The following PTK2 variants were observed in gnomAD, a reference collection of about 807,000 sequenced individuals.
PTK2 encodes the protein focal adhesion kinase 1.
Under a neutral mutation model 150.1 loss-of-function variants are expected in PTK2, and 45 were observed. The observed-to-expected ratio is 0.30, with a 90% CI of 0.24 to 0.38. The LOEUF is 0.38. Ranked by LOEUF, PTK2 falls within the 10% of genes least tolerant of loss-of-function variation. PTK2 has a pLI of 1.00. For missense variants in PTK2, 919 were observed against 1,307.3 expected, an observed-to-expected ratio of 0.70 and a Z score of 4.58; for synonymous variants, 432 against 449.2, an observed-to-expected ratio of 0.96 and a Z score of 0.48.
At chr8:140,925,074 T>C (rs895327864) in intron 2 of PTK2, among the ~76,000 whole-genome samples, 5 of 152,200 alleles carry the variant, frequency 3.3e-5, no homozygotes, top group Middle Eastern at 6.8e-3. Flanking sequence ...CCAAAAGCAG[T>C]TCACAAAATA....
At chr8:140,903,115 C>CTTATGGT (rs1267937035) in intron 2 of PTK2, among the ~76,000 whole-genome samples, 2 of 151,552 alleles carry the variant, frequency 1.3e-5, no homozygotes, top group African/African-American at 4.8e-5. Context: ...GGTTTTAGGT[C>CTTATGGT]TTACGTTTAA....
intron 23 of PTK2, 58 bp downstream of exon 26, chr8:140,717,540 T>C: frequency 1.5e-6 from 2 of 1,348,716 alleles, no homozygotes; most frequent in Non-Finnish European, 2.1e-6. Flanking sequence ...GCTGCCTAAC[T>C]GTAAATCTTG....
intron 8 of PTK2, among the ~76,000 whole-genome samples, chr8:140,829,215 T>A (rs575689456): frequency 1.8e-4 from 28 of 152,358 alleles, no homozygotes; most frequent in African/African-American, 6.5e-4. Context: ...TGCATTGTGT[T>A]TTAAAGCCAA....
chr8:140,999,966 C>G (rs1178272607), intron 1 of PTK2, among the ~76,000 whole-genome samples: 1 of 151,624 alleles, frequency 6.6e-6, no homozygotes, highest in African/African-American at 2.4e-5. Context: ...TGCCAAAAAC[C>G]CAGCTGCAGG....
At chr8:140,911,088 GC>G (rs2100162971) in intron 2 of PTK2, among the ~76,000 whole-genome samples, 1 of 145,820 alleles carries the variant, frequency 6.9e-6, no homozygotes, top group Non-Finnish European at 1.5e-5. Context: ...CCGGAGTCTT[GC>G]CATATTGCTC....
Position 140,798,675 on chromosome 8 carries a change from C to T in PTK2, c.1093+1784G>A, listed in dbSNP as rs944237863. Among the ~76,000 whole-genome samples the T allele has an allele frequency of 2.6e-5, 4 of 152,016 alleles. No homozygotes were observed. In the South Asian group the frequency reaches 6.2e-4, roughly 24 times the overall value. ...TATTTTTAAATGTGTATGTCAAGGA[C>T]CTTTTGGTAAACTGAAGATAAAAGA... is the stretch of plus-strand genomic sequence containing the variant. On this transcript the variant is annotated intron_variant, in intron 12 of 31. Coordinates refer to ENST00000522684, the Ensembl canonical transcript of PTK2.
chr8:140,942,835 G>C (rs767159048), intron 1 of PTK2, among the ~76,000 whole-genome samples: 4 of 152,184 alleles, frequency 2.6e-5, no homozygotes, highest in African/African-American at 9.7e-5. Flanking sequence ...TGTTGGAAGT[G>C]CAGCCTGGTA....
At chr8:140,915,084 C>T (rs59000609) in intron 2 of PTK2, among the ~76,000 whole-genome samples, 3 of 147,364 alleles carry the variant, frequency 2.0e-5, no homozygotes, top group Non-Finnish European at 4.5e-5. Context: ...ACTGGGAATG[C>T]AGCAATGAGC....
intron 1 of PTK2, among the ~76,000 whole-genome samples, chr8:140,997,427 A>G (rs1160788078): frequency 1.3e-5 from 2 of 152,256 alleles, no homozygotes; most frequent in African/African-American, 4.8e-5. Context: ...ATGCTTTCAA[A>G]TAGCATCACA....
chr8:140,696,852 T>C (rs2100026870), intron 26 of PTK2, among the ~76,000 whole-genome samples: 2 of 152,276 alleles, frequency 1.3e-5, no homozygotes, highest in Admixed American at 6.5e-5. Context: ...CCATGGTCTC[T>C]GCACTCATGG....
chr8:140,759,182 T>C (rs185375637), intron 16 of PTK2, among the ~76,000 whole-genome samples: 2 of 152,264 alleles, frequency 1.3e-5, no homozygotes, highest in East Asian at 1.9e-4. Flanking sequence ...TAAAGTGTCA[T>C]TTAAAAAATC....
intron 12 of PTK2, among the ~76,000 whole-genome samples, chr8:140,798,171 G>A (rs75656449): frequency 3.9e-5 from 6 of 152,002 alleles, no homozygotes; most frequent in Admixed American, 1.3e-4. Context: ...CCAGGAAAAC[G>A]GTACATTAGA....
chr8:140,703,366 T>C (rs1253706551), intron 24 of PTK2, among the ~76,000 whole-genome samples: 1 of 152,086 alleles, frequency 6.6e-6, no homozygotes, highest in Non-Finnish European at 1.5e-5. Context: ...GGCAAGGAAA[T>C]GGACTCTCAG....
chr8:140,688,425 A>T (rs2153751825), intron 26 of PTK2, among the ~76,000 whole-genome samples: 1 of 151,638 alleles, frequency 6.6e-6, no homozygotes, highest in East Asian at 1.9e-4. Context: ...TAAATCCTCA[A>T]ATGTAGCGTT....
At chr8:140,789,425 C>G in intron 14 of PTK2, 49 bp downstream of exon 14, 1 of 1,581,178 alleles carries the variant, frequency 6.3e-7, no homozygotes, top group Non-Finnish European at 8.6e-7. Flanking sequence ...CTATGATCGT[C>G]TTACCCCATG....
At chr8:140,930,503 A>G (rs950814274) in intron 1 of PTK2, among the ~76,000 whole-genome samples, 1 of 152,192 alleles carries the variant, frequency 6.6e-6, no homozygotes, top group Non-Finnish European at 1.5e-5. Context: ...TAAGCACTTA[A>G]AGTTATAAAG....
chr8:140,744,436 A>T (rs1035428831), intron 19 of PTK2, among the ~76,000 whole-genome samples: 2 of 152,226 alleles, frequency 1.3e-5, no homozygotes, highest in African/African-American at 4.8e-5. Context: ...AAGCCATGGC[A>T]TCTCACTCTG....
intron 14 of PTK2, 93 bp downstream of exon 14, chr8:140,789,381 T>C: frequency 7.8e-7 from 1 of 1,283,486 alleles, no homozygotes; most frequent in Non-Finnish European, 1.1e-6. Flanking sequence ...CATAAGCTAT[T>C]CTAGAACGAA....
At chr8:140,904,752 T>C (rs546108147) in intron 2 of PTK2, among the ~76,000 whole-genome samples, 1 of 152,328 alleles carries the variant, frequency 6.6e-6, no homozygotes, top group East Asian at 1.9e-4. Context: ...CAGGAATGTA[T>C]CCATTTCTTC....
Sources: gnomAD v4.1 joint callset for allele counts (sites outside exome capture counted in the v4.1 genomes callset) on GRCh38, gnomAD v4.1.1 for gene constraint, MANE v1.5 for transcripts, NCBI Gene and HGNC (gene_info 2026-07-23, HGNC 2026-07-21) for gene names.